Variants in FOXK1 observed in about 807,000 individuals in gnomAD.
FOXK1 encodes forkhead box K1.
FOXK1 carries 19 observed loss-of-function variants against 51.9 expected under a neutral mutation model. That is an observed-to-expected ratio of 0.37 (90% CI 0.26 to 0.54). The LOEUF (loss-of-function observed/expected upper bound fraction) is 0.54, where lower values mean the gene tolerates loss of function less well. Ranked by LOEUF, FOXK1 falls within the 20% of genes least tolerant of loss-of-function variation. FOXK1 has a pLI of 0.87. For synonymous variants in FOXK1, 537 were observed against 482.6 expected (o/e 1.11, Z -1.48); for missense variants, 870 against 1,032.7 (o/e 0.84, Z 2.16).
At chr7:4,692,721 T>G (rs779299186) in intron 1 of FOXK1, among the ~76,000 whole-genome samples, 1 of 151,972 alleles carries the variant, frequency 6.6e-6, no homozygotes, top group Non-Finnish European at 1.5e-5. Flanking sequence ...GCTGGGTAGT[T>G]TCTTTTTTTT....
intron 1 of FOXK1, among the ~76,000 whole-genome samples, chr7:4,693,463 G>T (rs1779917947): frequency 6.6e-6 from 1 of 152,204 alleles, no homozygotes. Context: ...TTAGCATGTT[G>T]TGATATGACT....
intron 1 of FOXK1, among the ~76,000 whole-genome samples, chr7:4,699,261 G>T (rs929089975): frequency 6.6e-6 from 1 of 151,028 alleles, no homozygotes; most frequent in African/African-American, 2.4e-5. Flanking sequence ...CGTGGGACTC[G>T]TGGGGTCCTT....
At chr7:4,737,573 T>TGTGTGTGTGTGTGTGC (rs896937410) in intron 1 of FOXK1, among the ~76,000 whole-genome samples, 45 of 151,938 alleles carry the variant, frequency 3.0e-4, no homozygotes, top group African/African-American at 1.0e-3. Flanking sequence ...TGTGTGTGTG[T>TGTGTGTGTGTGTGTGC]GCATGCATGT....
chr7:4,741,276 C>G (rs766370546), intron 2 of FOXK1, among the ~76,000 whole-genome samples: 1 of 152,060 alleles, frequency 6.6e-6, no homozygotes, highest in East Asian at 1.9e-4. Flanking sequence ...AAAGCAAGCA[C>G]AGGTTTTTTT....
chr7:4,705,552 T>TCTCG (rs1554249279), intron 1 of FOXK1, among the ~76,000 whole-genome samples: 4 of 143,582 alleles, frequency 2.8e-5, no homozygotes, highest in Admixed American at 7.0e-5. Context: ...TCTCTCTCTC[T>TCTCG]CTCTCTCGCT....
At chr7:4,737,965 A>G (rs1780577136) in intron 1 of FOXK1, among the ~76,000 whole-genome samples, 1 of 151,994 alleles carries the variant, frequency 6.6e-6, no homozygotes. Flanking sequence ...TCTACTAAAA[A>G]TACAAAATTA....
chr7:4,702,336 G>T (rs748145733), intron 1 of FOXK1, among the ~76,000 whole-genome samples: 39 of 151,628 alleles, frequency 2.6e-4, no homozygotes, highest in East Asian at 7.8e-4. Flanking sequence ...TGTTTGTGGG[G>T]TTTTTTTATT....
chr7:4,738,649 C>A (rs1217143561), intron 1 of FOXK1, among the ~76,000 whole-genome samples: 5 of 152,146 alleles, frequency 3.3e-5, no homozygotes, highest in Admixed American at 3.3e-4. Context: ...CCACCCTTAT[C>A]CCCCAAGATT....
chr7:4,762,837 T>A lies in FOXK1; in HGVS notation c.*373T>A. On this transcript the variant is annotated 3_prime_UTR_variant, in exon 9 of 9. Coordinates refer to ENST00000328914, the MANE Select transcript of FOXK1 (RefSeq NM_001037165.2). This position sits in a 1 kb window ranked among gnomAD's most constrained non-coding sequence, Gnocchi z 5.7. Reference sequence around the variant, plus strand: ...GCTCCGCGCTGCACGGCCAGCCGCCTTTGTCCGGGAGGACAGACAGAAACG... The same window carrying A: ...GCTCCGCGCTGCACGGCCAGCCGCCATTGTCCGGGAGGACAGACAGAAACG... 1 of 205,200 alleles carries A rather than the reference T, an allele frequency of 4.9e-6. No homozygotes were observed. The highest frequency in any genetic ancestry group is 1.0e-5 in the Non-Finnish European group (1 of 100,490). 12.7% of individuals were successfully genotyped at this position (205,200 alleles called of 1,614,324 possible).
chr7:4,690,051 C>A (rs537471205), intron 1 of FOXK1, among the ~76,000 whole-genome samples: 2 of 152,220 alleles, frequency 1.3e-5, no homozygotes, highest in East Asian at 3.9e-4. Flanking sequence ...GTGCCAAAGG[C>A]GAAGGGAAGA....
At chr7:4,738,380 T>C (rs1475930801) in intron 1 of FOXK1, among the ~76,000 whole-genome samples, 1 of 149,882 alleles carries the variant, frequency 6.7e-6, no homozygotes, top group Non-Finnish European at 1.5e-5. Flanking sequence ...GAGGTTGCAG[T>C]GAGCCAAGAT....
intron 1 of FOXK1, among the ~76,000 whole-genome samples, chr7:4,719,039 C>A (rs1780274646): frequency 1.3e-5 from 2 of 152,104 alleles, no homozygotes; most frequent in African/African-American, 4.8e-5. Flanking sequence ...GAACTCCCAA[C>A]CTCAGGTGAT....
At chr7:4,704,347 T>C (rs1562372180) in intron 1 of FOXK1, among the ~76,000 whole-genome samples, 1 of 148,730 alleles carries the variant, frequency 6.7e-6, no homozygotes, top group African/African-American at 2.5e-5. Context: ...GCTACTCGGG[T>C]GGCTGAGGCA....
chr7:4,744,833 C>G lies in FOXK1; in HGVS notation c.746+3810C>G, dbSNP rs1220284511. 2.0e-5 allele frequency among the ~76,000 whole-genome samples: 3 copies of G among 152,334 alleles called. No individual in the cohort carries two copies. The East Asian group carries it at 5.8e-4, about 29-fold the overall frequency. ...AACCGCCCTGTGCAAAGACCGGATTCTTGTTGGGGAGAATTCTGTGCGGAG... is the reference window on the plus strand; with the variant it reads ...AACCGCCCTGTGCAAAGACCGGATTGTTGTTGGGGAGAATTCTGTGCGGAG... On this transcript the variant is annotated intron_variant, in intron 2 of 8. Transcript: ENST00000328914.
intron 7 of FOXK1, 160 bp downstream of exon 7, chr7:4,759,755 G>C (rs1448453740): frequency 4.4e-6 from 4 of 904,826 alleles, no homozygotes; most frequent in Non-Finnish European, 6.5e-6. Flanking sequence ...GCATGAGCTG[G>C]GCAGGTGGCT....
intron 1 of FOXK1, among the ~76,000 whole-genome samples, chr7:4,692,520 C>G (rs544974620): frequency 6.6e-6 from 1 of 152,142 alleles, no homozygotes; most frequent in Admixed American, 6.6e-5. Context: ...CTCAGCCTCC[C>G]GAGTAGCTGG....
intron 2 of FOXK1, among the ~76,000 whole-genome samples, chr7:4,754,151 T>TGAGGAGGGGCCCC (rs1562389954): frequency 6.6e-6 from 1 of 152,080 alleles, no homozygotes; most frequent in African/African-American, 2.4e-5. Flanking sequence ...TGGGGGGACC[T>TGAGGAGGGGCCCC]GAGGAGGGGC....
chr7:4,691,641 C>A (rs571350947), intron 1 of FOXK1, among the ~76,000 whole-genome samples: 1 of 152,240 alleles, frequency 6.6e-6, no homozygotes, highest in East Asian at 1.9e-4. Context: ...CAGCCCAGGC[C>A]ATTATACATG....
intron 1 of FOXK1, among the ~76,000 whole-genome samples, chr7:4,697,632 TTCTC>T (rs1417988578): frequency 6.6e-6 from 1 of 152,142 alleles, no homozygotes; most frequent in Non-Finnish European, 1.5e-5. Context: ...TATTACCAAT[TTCTC>T]TCCACATTTC....
Sources: allele counts gnomAD v4.1 joint callset (sites outside exome capture counted in the v4.1 genomes callset), GRCh38; gene constraint gnomAD v4.1.1; non-coding constraint Gnocchi (gnomAD v3.1); transcripts MANE v1.5; gene names NCBI Gene and HGNC (gene_info 2026-07-23, HGNC 2026-07-21).